Variants in RBFOX1 observed in about 807,000 individuals in gnomAD.
The protein encoded by RBFOX1 is RNA binding protein fox-1 homolog 1.
Under a neutral mutation model 57.7 loss-of-function variants are expected in RBFOX1, and 8 were observed. That is an observed-to-expected ratio of 0.14 (90% confidence interval 0.08 to 0.25). The LOEUF is 0.25. RBFOX1 is among the 10% of genes least tolerant of loss of function. RBFOX1 has a pLI of 1.00. For missense variants in RBFOX1, 611 were observed against 548.5 expected, an observed-to-expected ratio of 1.11 and a Z score of -1.14; for synonymous variants, 326 against 222.4, an observed-to-expected ratio of 1.47 and a Z score of -4.15.
intron 3 of RBFOX1, among the ~76,000 whole-genome samples, chr16:5,849,207 A>T (rs1182933041): frequency 1.3e-5 from 2 of 152,134 alleles, no homozygotes; most frequent in South Asian, 4.2e-4. Context: ...GCATTAACTC[A>T]TATTTCTAAT....
chr16:6,217,686 C>T (rs553453673), intron 1 of RBFOX1, among the ~76,000 whole-genome samples: 1 of 152,156 alleles, frequency 6.6e-6, no homozygotes, highest in Admixed American at 6.5e-5. Context: ...GCTTCAGTAT[C>T]GCACAGACAC....
At chr16:6,680,057 G>C (rs934527124) in intron 3 of RBFOX1, among the ~76,000 whole-genome samples, 1 of 151,830 alleles carries the variant, frequency 6.6e-6, no homozygotes, top group African/African-American at 2.4e-5. Flanking sequence ...ATAACAGTGT[G>C]GTCTTGAGGA....
At chr16:7,691,192 C>A (rs1041394479) in intron 14 of RBFOX1, among the ~76,000 whole-genome samples, 2 of 143,216 alleles carry the variant, frequency 1.4e-5, no homozygotes, top group East Asian at 3.9e-4. Context: ...TTAAATGTCA[C>A]TATTATTGAG....
At chr16:6,752,146 A>G (rs1040976911) in intron 3 of RBFOX1, among the ~76,000 whole-genome samples, 3 of 152,272 alleles carry the variant, frequency 2.0e-5, no homozygotes, top group Middle Eastern at 3.4e-3. Context: ...GCATTCCATT[A>G]GTTTCAAAGT....
intron 3 of RBFOX1, among the ~76,000 whole-genome samples, chr16:5,712,373 G>T (rs1030443727): frequency 2.6e-5 from 4 of 152,208 alleles, no homozygotes; most frequent in African/African-American, 9.7e-5. Flanking sequence ...AGTGCTCTAA[G>T]GCTTAGGGAA....
chr16:5,391,991 A>T (rs1341500719), intron 1 of RBFOX1, among the ~76,000 whole-genome samples: 1 of 152,058 alleles, frequency 6.6e-6, no homozygotes. Flanking sequence ...AGCGACCTGG[A>T]TGGAATTTGA....
chr16:7,653,937 G>C lies in RBFOX1; in HGVS notation c.880G>C (p.Ala294Pro), dbSNP rs974200319. The stretch of plus-strand genomic sequence containing the variant: ...CGCGGCGCCCCCGCCCCCGATCCCG[G>C]CCTACGGCGGGTAAGTGGGGCAGCC... ...RAAAPPPPIP[A>P]YGGVVYQDGF... The change falls in exon 12 of 16, where the codon GCC (alanine) becomes CCC (proline). Residue 294 changes from alanine to proline, a missense_variant. Ala to Pro is a conservative substitution (Grantham distance 27, BLOSUM62 -1). Coordinates refer to ENST00000550418, the MANE Select transcript of RBFOX1 (RefSeq NM_018723.4). 7 of 1,532,744 alleles carry C rather than the reference G, an allele frequency of 4.6e-6. No individual in the cohort carries two copies. 94.9% of individuals were successfully genotyped at this position (1,532,744 alleles called of 1,614,324 possible).
intron 3 of RBFOX1, among the ~76,000 whole-genome samples, chr16:5,751,220 G>A (rs2053187655): frequency 6.6e-6 from 1 of 152,244 alleles, no homozygotes; most frequent in Admixed American, 6.5e-5. Context: ...CTCTGGTGGA[G>A]AGATGATGGA....
At chr16:6,985,489 A>G (rs1032865934) in intron 3 of RBFOX1, among the ~76,000 whole-genome samples, 4 of 152,172 alleles carry the variant, frequency 2.6e-5, no homozygotes, top group Admixed American at 1.3e-4. Context: ...CTCTTAAAAA[A>G]TTAATTAACT....
chr16:5,567,635 CA>C (rs34858401), intron 2 of RBFOX1, among the ~76,000 whole-genome samples: 982 of 63,064 alleles, frequency 0.016, 2 homozygotes, highest in African/African-American at 0.037. Context: ...AGGTTATAGG[CA>C]AAAAAAAAAA....
intron 2 of RBFOX1, among the ~76,000 whole-genome samples, chr16:5,590,631 A>T (rs761685939): frequency 1.3e-5 from 2 of 152,188 alleles, no homozygotes; most frequent in Non-Finnish European, 2.9e-5. Flanking sequence ...ATTCACTCCC[A>T]GATCGGGCAC....
intron 3 of RBFOX1, among the ~76,000 whole-genome samples, chr16:5,763,429 C>T (rs1022678102): frequency 2.0e-5 from 3 of 152,176 alleles, no homozygotes; most frequent in African/African-American, 7.2e-5. Flanking sequence ...CAGCCTGCGC[C>T]CATGTCTTGG....
intron 4 of RBFOX1, among the ~76,000 whole-genome samples, chr16:7,179,331 C>T (rs1210266195): frequency 2.6e-5 from 4 of 152,002 alleles, no homozygotes; most frequent in Admixed American, 2.6e-4. Flanking sequence ...CAAAGCACCG[C>T]TTTCCCCTTA....
chr16:7,503,613 CT>C (rs920691949), intron 4 of RBFOX1, among the ~76,000 whole-genome samples: 7 of 152,130 alleles, frequency 4.6e-5, no homozygotes, highest in Non-Finnish European at 1.0e-4. Flanking sequence ...GTAGCAAGAA[CT>C]TTTCCCCCTT....
intron 3 of RBFOX1, among the ~76,000 whole-genome samples, chr16:6,979,156 T>C (rs2087932994): frequency 6.6e-6 from 1 of 152,222 alleles, no homozygotes; most frequent in South Asian, 2.1e-4. Context: ...CAAATCTTAG[T>C]TCTAGTGTTG....
intron 1 of RBFOX1, among the ~76,000 whole-genome samples, chr16:6,095,457 C>T (rs116055948): frequency 3.2e-4 from 48 of 152,256 alleles, no homozygotes; most frequent in African/African-American, 1.1e-3. Flanking sequence ...GCAGGTCAGA[C>T]AGTCCCAGCA....
At chr16:7,518,028 A>G (rs943783982) in intron 4 of RBFOX1, 119 bp from the exon 5 acceptor site, 5 of 1,279,024 alleles carry the variant, frequency 3.9e-6, no homozygotes, top group Middle Eastern at 4.0e-4. Context: ...GGCTGGTGGC[A>G]CCATGGTGAC....
At chr16:6,298,249 ACT>A (rs2078372314) in intron 1 of RBFOX1, among the ~76,000 whole-genome samples, 1 of 151,828 alleles carries the variant, frequency 6.6e-6, no homozygotes, top group African/African-American at 2.4e-5. Context: ...GGGTCAGGGA[ACT>A]CTCTTGTTTC....
At chr16:5,643,282 C>T (rs568232033) in intron 3 of RBFOX1, among the ~76,000 whole-genome samples, 87 of 152,312 alleles carry the variant, frequency 5.7e-4, no homozygotes, top group Non-Finnish European at 1.1e-3. Context: ...GATGTGGCTT[C>T]TTGGCTGTCC....
Sources: gnomAD v4.1 joint callset for allele counts (sites outside exome capture counted in the v4.1 genomes callset) on GRCh38, gnomAD v4.1.1 for gene constraint, MANE v1.5 for transcripts, NCBI Gene and HGNC (gene_info 2026-07-23, HGNC 2026-07-21) for gene names.